AGGF1: variants seen among roughly 807,000 people sequenced by gnomAD.
AGGF1 encodes angiogenic factor with G-patch and FHA domains 1, also known as angiogenic factor with G patch and FHA domains 1.
AGGF1 carries 56 observed loss-of-function variants against 86.5 expected under a neutral mutation model. That is an observed-to-expected ratio of 0.65 (90% CI 0.52 to 0.81). The LOEUF is 0.81. Ranked by LOEUF, AGGF1 falls within the 30% of genes least tolerant of loss-of-function variation. AGGF1 has a pLI of 0.00. For missense variants in AGGF1, 816 were observed against 850.9 expected (o/e 0.96, Z 0.51); for synonymous variants, 313 against 297.1 (o/e 1.05, Z -0.55).
rs767916779 is a variant in AGGF1 at position 77,030,939 on chromosome 5, A to G, written c.173A>G (p.Gln58Arg). Residue 58 changes from glutamine to arginine, a missense_variant, in exon 1 of 14, where the codon CAG (glutamine) becomes CGG (arginine). Around this residue, in one of 3 missense-constraint regions of AGGF1, gnomAD observed 240 missense variants for 234.4 expected, o/e 1.02. Transcript: ENST00000312916. ...KLLHHTERLYQNAESNNQELR... is the reference protein window; with the variant it reads ...KLLHHTERLYRNAESNNQELR... ...CTGCATCACACAGAACGGCTGTACC[A>G]GAACGCAGAAAGCAACAACCAGGAG... is the stretch of plus-strand genomic sequence containing the variant. 13 of 1,612,962 alleles carry G rather than the reference A, an allele frequency of 8.1e-6. No individual in the cohort carries two copies. In the East Asian group the frequency reaches 8.9e-5, roughly 11 times the overall value.
chr5:77,040,852 C>T (rs1025497671), intron 5 of AGGF1, among the ~76,000 whole-genome samples: 2 of 152,042 alleles, frequency 1.3e-5, no homozygotes, highest in Non-Finnish European at 2.9e-5. Flanking sequence ...CTGTCCTGTT[C>T]TGTCCTTCTG....
At chr5:77,031,097 A>AT in intron 1 of AGGF1, 121 bp downstream of exon 1, 1 of 1,059,322 alleles carries the variant, frequency 9.4e-7, no homozygotes, top group South Asian at 1.3e-5. Context: ...CTTAAAGTAA[A>AT]TAAGTAGAAG....
At chr5:77,056,198 G>T (rs776380906) in intron 11 of AGGF1, among the ~76,000 whole-genome samples, 1 of 150,336 alleles carries the variant, frequency 6.7e-6, no homozygotes, top group Non-Finnish European at 1.5e-5. Flanking sequence ...ATAAAGGTGT[G>T]ATGGCAGTTT....
chr5:77,061,941 C>A, intron 13 of AGGF1, 139 bp downstream of exon 13: 2 of 768,194 alleles, frequency 2.6e-6, no homozygotes, highest in East Asian at 2.7e-5. Flanking sequence ...TTGTGGCATT[C>A]ACAATTACCA....
At position 77,030,712 on chromosome 5, in the gene AGGF1, G is replaced by A; in HGVS notation, c.-55G>A. On this transcript the variant is annotated 5_prime_UTR_variant, in exon 1 of 14. Transcript: ENST00000312916. Reference sequence around the variant, plus strand: ...GTGGTCTCTGGGTCCGCCGGCGTCCGTTTCGGCCTGAACGCAGCCCCTCCG... The same window carrying A: ...GTGGTCTCTGGGTCCGCCGGCGTCCATTTCGGCCTGAACGCAGCCCCTCCG... 2.0e-6 allele frequency: 3 copies of A among 1,533,700 alleles called. No homozygotes were observed. The highest frequency in any genetic ancestry group is 2.4e-5 in the South Asian group (2 of 83,802).
Position 77,030,652 on chromosome 5 carries a change from G to A in AGGF1, c.-115G>A. 1 of 1,215,094 alleles carries A rather than the reference G, an allele frequency of 8.2e-7. No homozygotes were observed. Among genetic ancestry groups the A allele is most frequent in the Non-Finnish European group, 1.2e-6 (1 of 857,894 alleles). 75.3% of individuals were successfully genotyped at this position (1,215,094 alleles called of 1,614,324 possible). A position where few individuals can be genotyped will look rare whatever the true frequency, so the allele number is the denominator to read the frequency against. Reference sequence around the variant, plus strand: ...GGCCAGGGGCCACCGCGGCCAGCCGGGTGTGAGGCTGCCTTTCGCTGCCCG... The same window carrying A: ...GGCCAGGGGCCACCGCGGCCAGCCGAGTGTGAGGCTGCCTTTCGCTGCCCG... On this transcript the variant is annotated 5_prime_UTR_variant, in exon 1 of 14. Transcript: ENST00000312916.
In AGGF1 at chr5:77,030,705, G is replaced by T; in HGVS notation, c.-62G>T. On this transcript the variant is annotated 5_prime_UTR_variant, in exon 1 of 14. Coordinates refer to ENST00000312916, the MANE Select transcript of AGGF1 (RefSeq NM_018046.5). ...CGCTCCAGTGGTCTCTGGGTCCGCC[G>T]GCGTCCGTTTCGGCCTGAACGCAGC... The T allele has an allele frequency of 6.6e-7, 1 of 1,520,658 alleles. No individual in the cohort carries two copies. Among genetic ancestry groups the T allele is most frequent in the Non-Finnish European group, 8.8e-7 (1 of 1,134,694 alleles). 94.2% of individuals were successfully genotyped at this position (1,520,658 alleles called of 1,614,324 possible).
chr5:77,037,371 C>CT (rs746630850), intron 4 of AGGF1, among the ~76,000 whole-genome samples: 80 of 152,106 alleles, frequency 5.3e-4, no homozygotes, highest in Admixed American at 5.9e-4. Context: ...ATATCAAATA[C>CT]TTTATGAATT....
rs570575253 is a variant in AGGF1, at chr5:77,065,045, C to A, written c.*1793C>A. 1 of 152,244 alleles carries A rather than the reference C, an allele frequency of 6.6e-6. No homozygotes were observed. The highest frequency in any genetic ancestry group is 2.1e-4 in the South Asian group (1 of 4,822). The allele number at this position is 152,244 out of a possible 1,614,324, so 9.4% of individuals were successfully genotyped here. On this transcript the variant is annotated 3_prime_UTR_variant, in exon 14 of 14. Transcript: ENST00000312916. ...TTAAAGTACTGAATAATGTCTGGGT[C>A]TATTTCCATCTGTAAAATAAGAATA...
chr5:77,046,257 G>C, intron 5 of AGGF1, 90 bp from the exon 6 acceptor site: 1 of 1,117,530 alleles, frequency 8.9e-7, no homozygotes, highest in Non-Finnish European at 1.4e-6. Flanking sequence ...ATATCTTCAC[G>C]AATTCGTTGA....
chr5:77,060,869 T>C (rs1051723047), intron 12 of AGGF1, among the ~76,000 whole-genome samples: 4 of 152,150 alleles, frequency 2.6e-5, no homozygotes, highest in African/African-American at 7.2e-5. Flanking sequence ...TTGGAGAGTA[T>C]AAAGAGTGCA....
intron 11 of AGGF1, among the ~76,000 whole-genome samples, chr5:77,056,044 G>C (rs1287282857): frequency 6.6e-6 from 1 of 152,076 alleles, no homozygotes; most frequent in Non-Finnish European, 1.5e-5. Flanking sequence ...CATAGTTGGA[G>C]AACTAATATG....
chr5:77,043,868 C>T (rs375647338), intron 5 of AGGF1, among the ~76,000 whole-genome samples: 483 of 137,100 alleles, frequency 3.5e-3, no homozygotes, highest in Admixed American at 7.1e-3. Context: ...TCAGACGGGG[C>T]GGCCGGGCAG....
chr5:77,046,375 T>TA lies in AGGF1; in HGVS notation c.899_900insA (p.Phe300LeufsTer4), dbSNP rs768318923. 6 of 1,613,666 alleles carry TA rather than the reference T, an allele frequency of 3.7e-6. No homozygotes were observed. On this transcript the variant is annotated frameshift_variant, in exon 6 of 14. Transcript: ENST00000312916. LOFTEE classifies it high-confidence loss of function. ...TTGAACTCAGAGGATCAAAAAGCCTTCAGTGTTGAACATACAAGCTGCAAT... is the reference window on the plus strand; with the variant it reads ...TTGAACTCAGAGGATCAAAAAGCCTTACAGTGTTGAACATACAAGCTGCAAT...
chr5:77,063,194 CTAAG>C lies in AGGF1; in HGVS notation c.2088_2091del (p.Lys697LeufsTer12). 6.2e-7 allele frequency: 1 copy of C among 1,613,926 alleles called. No homozygotes were observed. Among genetic ancestry groups the C allele is most frequent in the Non-Finnish European group, 8.5e-7 (1 of 1,179,914 alleles). On this transcript the variant is annotated frameshift_variant, in exon 14 of 14. Coordinates refer to ENST00000312916, the MANE Select transcript of AGGF1 (RefSeq NM_018046.5). LOFTEE classifies it high-confidence loss of function. The stretch of plus-strand genomic sequence containing the variant: ...CGGTTTACTGAAAACTTCCCAGAAA[CTAAG>C]CCTCAAAAAGATGACCCAGGGACCA...
At chr5:77,038,989 G>A (rs1364252768) in intron 4 of AGGF1, among the ~76,000 whole-genome samples, 1 of 151,988 alleles carries the variant, frequency 6.6e-6, no homozygotes, top group Non-Finnish European at 1.5e-5. Flanking sequence ...TTATTTTTTG[G>A]TATGCATGAA....
intron 11 of AGGF1, 94 bp from the exon 12 acceptor site, chr5:77,059,522 A>G (rs1747516296): frequency 9.0e-7 from 1 of 1,116,722 alleles, no homozygotes. Flanking sequence ...TATAGAGGCC[A>G]CATTGAATCA....
chr5:77,035,470 T>C, intron 2 of AGGF1, 71 bp from the exon 3 acceptor site: 2 of 1,170,336 alleles, frequency 1.7e-6, no homozygotes, highest in South Asian at 2.7e-5. Context: ...AATGCCAGTG[T>C]TTTGTAGTTA....
intron 11 of AGGF1, among the ~76,000 whole-genome samples, chr5:77,056,072 A>G (rs1417847826): frequency 6.6e-6 from 1 of 152,142 alleles, no homozygotes; most frequent in African/African-American, 2.4e-5. Context: ...GTAAAGACTT[A>G]TTATAATTAA....
Sources: gnomAD v4.1 joint callset for allele counts (sites outside exome capture counted in the v4.1 genomes callset) on GRCh38, gnomAD v4.1.1 for gene constraint, gnomAD v4.1.1 regional missense constraint, MANE v1.5 for transcripts, NCBI Gene and HGNC (gene_info 2026-07-23, HGNC 2026-07-21) for gene names.